COBL: variants seen among roughly 807,000 people sequenced by gnomAD.
COBL encodes protein cordon-bleu.
In COBL, 51 loss-of-function variants were observed where a neutral mutation model predicts 98.8. The ratio of observed to expected loss-of-function variants is 0.52; its 90% CI spans 0.41 to 0.65. The LOEUF (loss-of-function observed/expected upper bound fraction) is 0.65, where lower values mean the gene tolerates loss of function less well. Among genes scored for constraint, COBL ranks in the 30% least tolerant of loss-of-function variants. COBL has a pLI of 0.00. For missense variants in COBL, 1,617 were observed against 1,617.5 expected (o/e 1.00, Z 0.01); for synonymous variants, 634 against 651.7 (o/e 0.97, Z 0.41).
chr7:51,209,044 ATT>A (rs1792128206), intron 2 of COBL, among the ~76,000 whole-genome samples: 2 of 88,946 alleles, frequency 2.2e-5, no homozygotes, highest in African/African-American at 4.1e-5. Context: ...AGAATGATCA[ATT>A]AAAAAAAAAA....
At chr7:51,125,860 G>C (rs1248229192) in intron 6 of COBL, among the ~76,000 whole-genome samples, 1 of 152,170 alleles carries the variant, frequency 6.6e-6, no homozygotes, top group African/African-American at 2.4e-5. Flanking sequence ...TCACCCCACT[G>C]TCTTGGGACA....
intron 1 of COBL, among the ~76,000 whole-genome samples, chr7:51,295,049 G>C (rs1801293420): frequency 6.6e-6 from 1 of 151,954 alleles, no homozygotes; most frequent in Non-Finnish European, 1.5e-5. Context: ...CACTTTGGGA[G>C]ACCGAGGCAG....
intron 7 of COBL, among the ~76,000 whole-genome samples, chr7:51,084,701 A>G (rs541483889): frequency 2.0e-5 from 3 of 152,238 alleles, no homozygotes; most frequent in African/African-American, 7.2e-5. Context: ...ACCAGGTAAT[A>G]TAAGTGGAGA....
Position 51,028,184 on chromosome 7 carries a change from T to C in COBL, c.2912A>G (p.His971Arg). ...LSTQDRPAAI[H>R]RSSCFSLVQS... The stretch of plus-strand genomic sequence containing the variant: ...AACCAGTGAGAAACAGGAGCTTCTG[T>C]GGATAGCAGCAGGTCTGTCCTGAGT... Residue 971 changes from histidine to arginine, a missense_variant, in exon 10 of 13, where the codon CAC (histidine) becomes CGC (arginine). His to Arg is a conservative substitution (Grantham distance 29, BLOSUM62 0). This residue lies in a region of COBL where 1,304 missense variants were observed against 1,282.0 expected (regional missense o/e 1.02). Transcript: ENST00000265136. 1 of 1,614,238 alleles carries C rather than the reference T, an allele frequency of 6.2e-7. No individual in the cohort carries two copies. Among genetic ancestry groups the C allele is most frequent in the Non-Finnish European group, 8.5e-7 (1 of 1,180,036 alleles).
intron 2 of COBL, among the ~76,000 whole-genome samples, chr7:51,211,577 G>C (rs1792436965): frequency 1.3e-5 from 2 of 152,208 alleles, no homozygotes; most frequent in Non-Finnish European, 2.9e-5. Context: ...CATTCGCCTA[G>C]CTCAGGGCAG....
chr7:51,252,442 T>A (rs1465915625), intron 1 of COBL, among the ~76,000 whole-genome samples: 1 of 152,164 alleles, frequency 6.6e-6, no homozygotes, highest in Non-Finnish European at 1.5e-5. Flanking sequence ...TCTCTATGGA[T>A]TTGCCTGTTC....
intron 5 of COBL, among the ~76,000 whole-genome samples, chr7:51,163,813 C>T (rs1787045025): frequency 2.0e-5 from 3 of 152,168 alleles, no homozygotes; most frequent in Admixed American, 2.0e-4. Context: ...CAGCCTTACA[C>T]ATGAATCATT....
intron 4 of COBL, among the ~76,000 whole-genome samples, chr7:51,186,466 C>A (rs1789519860): frequency 6.6e-6 from 1 of 152,208 alleles, no homozygotes; most frequent in African/African-American, 2.4e-5. Flanking sequence ...ATTACACCGA[C>A]CACAGAAAGG....
At chr7:51,263,487 T>TTCATA (rs1277392268) in intron 1 of COBL, among the ~76,000 whole-genome samples, 1 of 152,110 alleles carries the variant, frequency 6.6e-6, no homozygotes, top group East Asian at 1.9e-4. Flanking sequence ...CCCTGCAAAG[T>TTCATA]GCTGGCAAGG....
intron 1 of COBL, among the ~76,000 whole-genome samples, chr7:51,277,551 C>G (rs749585418): frequency 6.6e-6 from 1 of 152,166 alleles, no homozygotes; most frequent in Non-Finnish European, 1.5e-5. Context: ...CAGCAAGAGT[C>G]GGTGCCCTCA....
At position 51,193,578 on chromosome 7, in the gene COBL, A is replaced by G. The variant is rs767684037; in HGVS notation, c.257T>C (p.Met86Thr). ...RSVLNGSHAM[M>T]DLLVELCLQN... The stretch of plus-strand genomic sequence containing the variant: ...AAGGCAAAGTTCAACCAGTAGGTCC[A>G]TCATCGCATGGCTGAAAAAAGGAAA... The change falls in exon 3 of 13, where the codon ATG (methionine) becomes ACG (threonine). Residue 86 changes from methionine (M) to threonine (T), a missense_variant. Physicochemically the swap from Met to Thr is moderately conservative, Grantham distance 81 (BLOSUM62 -1). Around this residue, in one of 3 missense-constraint regions of COBL, gnomAD observed 238 missense variants for 215.0 expected, o/e 1.11. Transcript: ENST00000265136. 4 of 1,614,146 alleles carry G rather than the reference A, an allele frequency of 2.5e-6. No individual in the cohort carries two copies. The highest frequency in any genetic ancestry group is 1.7e-6 in the Non-Finnish European group (2 of 1,180,002).
intron 1 of COBL, among the ~76,000 whole-genome samples, chr7:51,266,507 G>A (rs1045564963): frequency 3.9e-4 from 59 of 152,182 alleles, no homozygotes; most frequent in Non-Finnish European, 1.5e-4. Flanking sequence ...GAACCCGGGA[G>A]GCAGAGGTTG....
chr7:51,211,064 G>T (rs1189070629), intron 2 of COBL, among the ~76,000 whole-genome samples: 1 of 152,170 alleles, frequency 6.6e-6, no homozygotes, highest in Admixed American at 6.5e-5. Flanking sequence ...CTCTAATTGG[G>T]TGTTACAAGT....
intron 1 of COBL, among the ~76,000 whole-genome samples, chr7:51,288,324 T>C (rs1050919801): frequency 1.3e-5 from 2 of 150,134 alleles, no homozygotes; most frequent in African/African-American, 4.9e-5. Context: ...GTCCCAGCTA[T>C]TTGGGAGGCT....
chr7:51,070,183 T>C (rs1216168586), intron 7 of COBL, among the ~76,000 whole-genome samples: 1 of 152,174 alleles, frequency 6.6e-6, no homozygotes, highest in East Asian at 1.9e-4. Context: ...CAATTATGCG[T>C]TGCTATTGGT....
At chr7:51,295,689 T>C (rs1726122310) in intron 1 of COBL, among the ~76,000 whole-genome samples, 1 of 152,170 alleles carries the variant, frequency 6.6e-6, no homozygotes, top group African/African-American at 2.4e-5. Flanking sequence ...TGGCCTTCTG[T>C]AGGTCCCTAC....
intron 1 of COBL, among the ~76,000 whole-genome samples, chr7:51,232,932 G>C (rs114487205): frequency 1.1e-3 from 164 of 152,332 alleles, no homozygotes; most frequent in African/African-American, 3.7e-3. Flanking sequence ...AAGTACCAGA[G>C]ACGCTGTGTG....
Position 51,038,384 on chromosome 7 carries a change from C to A in COBL, c.1406+4999G>T, listed in dbSNP as rs974349309. Among the ~76,000 whole-genome samples the A allele has an allele frequency of 5.2e-4, 79 of 152,286 alleles. 1 individual carries two copies. Among genetic ancestry groups the A allele is most frequent in the African/African-American group, 1.7e-3 (72 of 41,564 alleles). On this transcript the variant is annotated intron_variant, in intron 8 of 12. Transcript: ENST00000265136. ...CAGGACAGTTTTTAGCTGTGGCCAG[C>A]CCAACATGGCTCTCTCCTTGGACAG...
chr7:51,196,874 T>G (rs1190371432), intron 2 of COBL, among the ~76,000 whole-genome samples: 1 of 151,972 alleles, frequency 6.6e-6, no homozygotes, highest in African/African-American at 2.4e-5. Flanking sequence ...TGGTGACACC[T>G]CACTTGCTAT....
Sources: allele counts gnomAD v4.1 joint callset (sites outside exome capture counted in the v4.1 genomes callset), GRCh38; gene constraint gnomAD v4.1.1; regional missense constraint gnomAD v4.1.1; transcripts MANE v1.5; gene names NCBI Gene and HGNC (gene_info 2026-07-23, HGNC 2026-07-21).